Variants in DTNA observed in about 807,000 individuals in gnomAD.
DTNA encodes the protein dystrophin-related protein 3.
In DTNA, 43 loss-of-function variants were observed where a neutral mutation model predicts 100.7. That is an observed-to-expected ratio of 0.43 (90% CI 0.33 to 0.55). The LOEUF (loss-of-function observed/expected upper bound fraction) is 0.55. DTNA is among the 20% of genes least tolerant of loss of function. DTNA has a pLI of 0.04. For missense variants in DTNA, 798 were observed against 953.9 expected (o/e 0.84, Z 2.15); for synonymous variants, 349 against 347.9 (o/e 1.00, Z -0.04).
intron 6 of DTNA, among the ~76,000 whole-genome samples, chr18:34,815,084 C>T (rs1410643467): frequency 6.6e-6 from 1 of 151,852 alleles, no homozygotes; most frequent in East Asian, 1.9e-4. Context: ...CATAATGAGA[C>T]CCCATCTTTC....
chr18:34,866,276 T>C (rs1422314286), intron 17 of DTNA: 2 of 1,555,526 alleles, frequency 1.3e-6, no homozygotes, highest in Non-Finnish European at 8.7e-7. Flanking sequence ...TCTTTTTCAA[T>C]GTAGTGCTTG....
At chr18:34,747,104 C>CTATCTATCTATCTA (rs1041438583) in intron 1 of DTNA, among the ~76,000 whole-genome samples, 22 of 148,314 alleles carry the variant, frequency 1.5e-4, no homozygotes, top group African/African-American at 5.3e-4. Flanking sequence ...ATATCTGTAT[C>CTATCTATCTATCTA]TATATATATA....
intron 17 of DTNA, among the ~76,000 whole-genome samples, chr18:34,872,611 A>T (rs1299669121): frequency 6.6e-6 from 1 of 152,182 alleles, no homozygotes; most frequent in Admixed American, 6.5e-5. Context: ...CAAATAAGAG[A>T]TTGTAGGCCT....
chr18:34,598,730 G>A (rs1387137165), intron 1 of DTNA, among the ~76,000 whole-genome samples: 1 of 152,114 alleles, frequency 6.6e-6, no homozygotes, highest in African/African-American at 2.4e-5. Context: ...GCCAGGTGTG[G>A]TGGTGGGCAC....
chr18:34,676,018 G>A (rs998263443), intron 1 of DTNA, among the ~76,000 whole-genome samples: 4 of 152,182 alleles, frequency 2.6e-5, no homozygotes, highest in Admixed American at 6.5e-5. Context: ...ACATCAGTCC[G>A]AGCATAAATA....
chr18:34,516,613 C>T (rs1378147355), intron 1 of DTNA, among the ~76,000 whole-genome samples: 10 of 152,076 alleles, frequency 6.6e-5, no homozygotes, highest in Non-Finnish European at 5.9e-5. Flanking sequence ...CCCCTAGGAA[C>T]GCATTCTCTT....
intron 1 of DTNA, among the ~76,000 whole-genome samples, chr18:34,522,902 A>G (rs1216315668): frequency 1.3e-5 from 2 of 152,226 alleles, no homozygotes; most frequent in African/African-American, 4.8e-5. Context: ...ACACATGCAT[A>G]TTTATCATTT....
chr18:34,706,577 A>G (rs1212234219), upstream of DTNA, among the ~76,000 whole-genome samples: 1 of 152,186 alleles, frequency 6.6e-6, no homozygotes, highest in South Asian at 2.1e-4. Flanking sequence ...AGAGTTCACA[A>G]TAGGTTATCT....
At chr18:34,510,499 C>T (rs1009886657) in intron 1 of DTNA, among the ~76,000 whole-genome samples, 7 of 151,934 alleles carry the variant, frequency 4.6e-5, no homozygotes, top group African/African-American at 7.2e-5. Context: ...ATCAGTCATT[C>T]CATATTATTT....
In DTNA at chr18:34,890,321, A is replaced by C. The variant is rs758886317; in HGVS notation, c.*2587A>C. The C allele has an allele frequency of 2.6e-6, 4 of 1,535,972 alleles. No homozygotes were observed. In the South Asian group the frequency reaches 3.6e-5, roughly 14 times the overall value. ...TTAGCTCCACGTCAGCACTGAGACC[A>C]GACTCGAGCACCCCTGTCCTGTAAG... On this transcript the variant is annotated 3_prime_UTR_variant, in exon 23 of 23. Transcript: ENST00000444659.
At position 34,890,108 on chromosome 18, in the gene DTNA, T is replaced by C; in HGVS notation, c.*2374T>C. ...GCTGGCATATGTTGTTTCTTTGTGTTTCTACATCAAAATGTTCGTCTAAGA... is the reference window on the plus strand; with the variant it reads ...GCTGGCATATGTTGTTTCTTTGTGTCTCTACATCAAAATGTTCGTCTAAGA... On this transcript the variant is annotated 3_prime_UTR_variant, in exon 23 of 23. Transcript: ENST00000444659. 1 of 1,403,034 alleles carries C rather than the reference T, an allele frequency of 7.1e-7. No homozygotes were observed. Among genetic ancestry groups the C allele is most frequent in the Non-Finnish European group, 9.2e-7 (1 of 1,083,336 alleles). 86.9% of individuals were successfully genotyped at this position (1,403,034 alleles called of 1,614,324 possible).
At chr18:34,687,084 A>G (rs1163268605) in intron 1 of DTNA, among the ~76,000 whole-genome samples, 3 of 152,026 alleles carry the variant, frequency 2.0e-5, no homozygotes, top group Admixed American at 6.6e-5. Flanking sequence ...AATCTTTTCA[A>G]AAAACCACCT....
chr18:34,863,820 CATTT>C (rs2096660657), intron 16 of DTNA, 142 bp from the exon 17 acceptor site: 2 of 731,448 alleles, frequency 2.7e-6, no homozygotes, highest in East Asian at 2.7e-5. Context: ...ATTGTTCATT[CATTT>C]GACAACAGTT....
At chr18:34,559,688 A>G (rs2046458085) in intron 1 of DTNA, among the ~76,000 whole-genome samples, 1 of 152,168 alleles carries the variant, frequency 6.6e-6, no homozygotes, top group Non-Finnish European at 1.5e-5. Flanking sequence ...TAAAGGTTGC[A>G]TCCTCTCTTT....
In DTNA at chr18:34,864,255, T is replaced by C. The variant is rs1024888536; in HGVS notation, c.1743+193T>C. Reference sequence around the variant, plus strand: ...TCAGTAATAGAACACATTCTTTTTTTTTTTTTTTTTTTTGAGACGGAGTCT... The same window carrying C: ...TCAGTAATAGAACACATTCTTTTTTCTTTTTTTTTTTTTGAGACGGAGTCT... On this transcript the variant is annotated intron_variant, in intron 17 of 22. Transcript: ENST00000444659. 3.3e-3 allele frequency among the ~76,000 whole-genome samples: 500 copies of C among 149,442 alleles called. 6 individuals carry two copies. Among genetic ancestry groups the C allele is most frequent in the African/African-American group, 0.012 (478 of 40,530 alleles).
chr18:34,702,503 C>T (rs756900495), intron 1 of DTNA, among the ~76,000 whole-genome samples: 7 of 152,114 alleles, frequency 4.6e-5, no homozygotes, highest in African/African-American at 7.2e-5. Flanking sequence ...AATCCATTGG[C>T]GTTTCTTCTT....
At chr18:34,809,621 G>A (rs956729139) in intron 5 of DTNA, among the ~76,000 whole-genome samples, 3 of 152,170 alleles carry the variant, frequency 2.0e-5, no homozygotes, top group Non-Finnish European at 4.4e-5. Flanking sequence ...CAAAATGCCA[G>A]CTGTGCTTGT....
chr18:34,603,525 G>A (rs567188259), intron 1 of DTNA, among the ~76,000 whole-genome samples: 10 of 149,782 alleles, frequency 6.7e-5, no homozygotes, highest in South Asian at 6.4e-4. Flanking sequence ...CACCTTTTTC[G>A]GTTTTCATTG....
chr18:34,804,222 G>A (rs142586735), intron 4 of DTNA, among the ~76,000 whole-genome samples: 10 of 152,310 alleles, frequency 6.6e-5, no homozygotes, highest in East Asian at 1.9e-4. Flanking sequence ...GCCAGGAGGC[G>A]TTGAACAGTT....
Sources: gnomAD v4.1 joint callset for allele counts (sites outside exome capture counted in the v4.1 genomes callset) on GRCh38, gnomAD v4.1.1 for gene constraint, MANE v1.5 for transcripts, NCBI Gene and HGNC (gene_info 2026-07-23, HGNC 2026-07-21) for gene names.